C9orf85: variants seen among roughly 807,000 people sequenced by gnomAD.
C9orf85 encodes chromosome 9 open reading frame 85, also known as uncharacterized protein C9orf85.
A neutral mutation model predicts 14.9 loss-of-function variants in C9orf85; 16 were observed. The observed-to-expected ratio is 1.08, with a 90% CI of 0.73 to 1.63. The LOEUF is 1.63. C9orf85 is among the 40% of genes most tolerant of loss of function. The pLI is 0.00. For synonymous variants in C9orf85, 45 were observed against 56.8 expected, an observed-to-expected ratio of 0.79 and a Z score of 0.93; for missense variants, 172 against 186.1, an observed-to-expected ratio of 0.92 and a Z score of 0.44.
At chr9:71,973,679 C>T (rs10781055), downstream of C9orf85, among the ~76,000 whole-genome samples, 140,298 of 151,988 alleles carry the variant, frequency 0.92, 65,698 homozygotes, top group East Asian at 1. Flanking sequence ...CATGCATTTA[C>T]ACACCTCGGT....
intron 2 of C9orf85, among the ~76,000 whole-genome samples, chr9:71,968,510 T>G (rs1462888356): frequency 6.6e-6 from 1 of 152,182 alleles, no homozygotes; most frequent in Non-Finnish European, 1.5e-5. Context: ...TCTTCTTCAG[T>G]GAGTTTTGAT....
intron 2 of C9orf85, among the ~76,000 whole-genome samples, chr9:71,961,954 C>A (rs1265091728): frequency 2.6e-5 from 4 of 152,158 alleles, no homozygotes; most frequent in Non-Finnish European, 5.9e-5. Context: ...GCCTTGAGCC[C>A]AAAAGTGCTA....
chr9:71,922,106 AATTTTTGT>A (rs1417258049), intron 1 of C9orf85, among the ~76,000 whole-genome samples: 3 of 151,722 alleles, frequency 2.0e-5, no homozygotes, highest in Non-Finnish European at 2.9e-5. Flanking sequence ...GCTTCTGGCT[AATTTTTGT>A]ATTTTTAGTA....
downstream of C9orf85, chr9:71,985,434 ATATTAC>A (rs1823192920): frequency 6.6e-6 from 1 of 152,242 alleles, no homozygotes; most frequent in Non-Finnish European, 1.5e-5. Context: ...AGCAGCATCA[ATATTAC>A]CTGGGAAACT....
chr9:71,968,066 C>T (rs966666520), intron 2 of C9orf85, among the ~76,000 whole-genome samples: 1 of 148,880 alleles, frequency 6.7e-6, no homozygotes, highest in Non-Finnish European at 1.5e-5. Flanking sequence ...GCCTTGTATT[C>T]CCAGGATAAA....
chr9:71,934,408 G>C (rs984455336), intron 1 of C9orf85, among the ~76,000 whole-genome samples: 2 of 152,132 alleles, frequency 1.3e-5, no homozygotes, highest in African/African-American at 4.8e-5. Context: ...TCTTTGTTTG[G>C]CGTCTTGCAA....
At chr9:71,984,882 A>G (rs1345634729), downstream of C9orf85, 1 of 152,268 alleles carries the variant, frequency 6.6e-6, no homozygotes, top group Non-Finnish European at 1.5e-5. Context: ...TGACTGGGTG[A>G]CTTGCCACCA....
chr9:71,911,828 C>G lies in C9orf85; in HGVS notation c.94C>G (p.Gln32Glu). The change falls in exon 1 of 4, where the codon CAG becomes GAG. Residue 32 changes from glutamine (Q) to glutamate (E), a missense_variant. Coordinates refer to ENST00000334731, the MANE Select transcript of C9orf85 (RefSeq NM_182505.5). ...FKNDKFDKSV[Q>E]TKKINAKLHD... ...AAATGACAAGTTCGATAAAAGTGTG[C>G]AGACCAAGGTAGGAACCTGCCTGTT... is the stretch of plus-strand genomic sequence containing the variant. The G allele has an allele frequency of 6.2e-7, 1 of 1,613,840 alleles. No individual in the cohort carries two copies. Among genetic ancestry groups the G allele is most frequent in the Non-Finnish European group, 8.5e-7 (1 of 1,179,804 alleles).
intron 3 of C9orf85, among the ~76,000 whole-genome samples, chr9:71,980,268 C>A (rs1180497384): frequency 6.6e-6 from 1 of 152,108 alleles, no homozygotes; most frequent in Non-Finnish European, 1.5e-5. Flanking sequence ...CCCATCTCAG[C>A]CTTCCAAAGT....
At chr9:71,964,363 C>T (rs1201586808) in intron 2 of C9orf85, among the ~76,000 whole-genome samples, 1 of 152,070 alleles carries the variant, frequency 6.6e-6, no homozygotes, top group Admixed American at 6.6e-5. Flanking sequence ...ACTGTGGAAG[C>T]TTGGTTCTTT....
intron 2 of C9orf85, among the ~76,000 whole-genome samples, chr9:71,954,040 G>A (rs1430227251): frequency 1.3e-5 from 2 of 151,120 alleles, no homozygotes; most frequent in Admixed American, 6.6e-5. Flanking sequence ...TTGAGCCTGG[G>A]CAGTCAAGGC....
chr9:71,939,097 A>G (rs996616492), intron 1 of C9orf85, among the ~76,000 whole-genome samples: 1 of 151,618 alleles, frequency 6.6e-6, no homozygotes, highest in Non-Finnish European at 1.5e-5. Flanking sequence ...TATTTTGAAT[A>G]TTTATATGTA....
intron 2 of C9orf85, among the ~76,000 whole-genome samples, chr9:71,958,596 C>A (rs1410494553): frequency 6.6e-6 from 1 of 152,050 alleles, no homozygotes; most frequent in Non-Finnish European, 1.5e-5. Flanking sequence ...AAATATATTT[C>A]TTTGATGTAT....
At chr9:71,974,659 G>T (rs1822970599), downstream of C9orf85, among the ~76,000 whole-genome samples, 1 of 152,164 alleles carries the variant, frequency 6.6e-6, no homozygotes, top group African/African-American at 2.4e-5. Context: ...GTGCATTTCT[G>T]TTAGGTATGT....
chr9:71,929,710 C>T (rs1298473007), intron 1 of C9orf85, among the ~76,000 whole-genome samples: 1 of 151,700 alleles, frequency 6.6e-6, no homozygotes, highest in Non-Finnish European at 1.5e-5. Flanking sequence ...ATTTACAAAG[C>T]AGTTAATATA....
At chr9:71,962,211 T>G (rs915065939) in intron 2 of C9orf85, among the ~76,000 whole-genome samples, 1 of 152,218 alleles carries the variant, frequency 6.6e-6, no homozygotes, top group East Asian at 1.9e-4. Flanking sequence ...TCTACTGCAT[T>G]AAGACAAGGT....
chr9:71,916,242 T>G (rs73647028), intron 1 of C9orf85, among the ~76,000 whole-genome samples: 2,631 of 152,258 alleles, frequency 0.017, 76 homozygotes, highest in African/African-American at 0.06. Context: ...AACATTAAAC[T>G]AAATGGAGGA....
chr9:71,934,886 A>G (rs1308204001), intron 1 of C9orf85, among the ~76,000 whole-genome samples: 2 of 152,176 alleles, frequency 1.3e-5, no homozygotes, highest in South Asian at 4.1e-4. Context: ...AAATATATAT[A>G]TGCAGAATAT....
At chr9:71,961,020 C>G (rs1393738766) in intron 2 of C9orf85, among the ~76,000 whole-genome samples, 1 of 150,218 alleles carries the variant, frequency 6.7e-6, no homozygotes, top group Non-Finnish European at 1.5e-5. Flanking sequence ...TCAAGTGATT[C>G]TCCTGCCTCA....
Sources: gnomAD v4.1 joint callset for allele counts (sites outside exome capture counted in the v4.1 genomes callset) on GRCh38, gnomAD v4.1.1 for gene constraint, MANE v1.5 for transcripts, NCBI Gene and HGNC (gene_info 2026-07-23, HGNC 2026-07-21) for gene names.